Variants in VCL observed in about 807,000 individuals in gnomAD.
VCL encodes the protein vinculin, also known as epididymis luminal protein 114.
Under a neutral mutation model 125.7 loss-of-function variants are expected in VCL, and 47 were observed. That is an observed-to-expected ratio of 0.37 (90% CI 0.30 to 0.48). The LOEUF (loss-of-function observed/expected upper bound fraction) is 0.48. VCL is among the 20% of genes least tolerant of loss of function. The pLI, the probability that VCL is intolerant of heterozygous loss-of-function variation, is 0.99. For synonymous variants in VCL, 458 were observed against 514.6 expected, an observed-to-expected ratio of 0.89 and a Z score of 1.49; for missense variants, 1,069 against 1,455.5, an observed-to-expected ratio of 0.73 and a Z score of 4.32.
chr10:74,055,876 G>C (rs1013832638), intron 2 of VCL, among the ~76,000 whole-genome samples: 2 of 152,132 alleles, frequency 1.3e-5, no homozygotes, highest in African/African-American at 4.8e-5. Context: ...CGCTAGATTT[G>C]ACAAGAGAAT....
intron 1 of VCL, among the ~76,000 whole-genome samples, chr10:74,004,252 AAAG>A (rs1343133493): frequency 1.3e-5 from 2 of 152,260 alleles, no homozygotes; most frequent in Non-Finnish European, 2.9e-5. Context: ...GAGTAAATAA[AAAG>A]AATATTTATG....
chr10:74,042,896 T>A (rs1387515554), intron 1 of VCL, among the ~76,000 whole-genome samples, 187 bp from the exon 2 acceptor site: 1 of 152,206 alleles, frequency 6.6e-6, no homozygotes, highest in Non-Finnish European at 1.5e-5. Context: ...ATATTGTTAT[T>A]CTAGTATATT....
intron 9 of VCL, 143 bp downstream of exon 9, chr10:74,089,492 C>A: frequency 8.6e-7 from 1 of 1,158,148 alleles, no homozygotes; most frequent in South Asian, 1.3e-5. Context: ...CCAGCACTTA[C>A]CAATGTTAAC....
Position 74,109,129 on chromosome 10 carries a change from T to C in VCL, c.2718T>C (p.His906=). ...TGATGATGGCTGCCAGACAGCTCCATGATGAAGCTCGCAAATGGTCCAGCA... is the reference window on the plus strand; with the variant it reads ...TGATGATGGCTGCCAGACAGCTCCACGATGAAGCTCGCAAATGGTCCAGCA... ...QPMMMAARQL[H]DEARKWSSKP... is the part of the protein sequence containing the mutation. Residue 906 remains histidine (H), a synonymous_variant, in exon 18 of 22, where the codon CAT becomes CAC. Coordinates refer to ENST00000211998, the MANE Select transcript of VCL (RefSeq NM_014000.3). The C allele has an allele frequency of 6.2e-7, 1 of 1,614,106 alleles. No homozygotes were observed. Among genetic ancestry groups the C allele is most frequent in the Non-Finnish European group, 8.5e-7 (1 of 1,180,022 alleles).
intron 8 of VCL, among the ~76,000 whole-genome samples, chr10:74,084,699 G>A (rs771537294): frequency 6.6e-6 from 1 of 151,764 alleles, no homozygotes; most frequent in Admixed American, 6.6e-5. Flanking sequence ...TGCAACCTTC[G>A]CCTCCTGGGT....
intron 1 of VCL, among the ~76,000 whole-genome samples, chr10:74,025,696 G>GAGGGAGGA (rs1555115413): frequency 8.6e-6 from 1 of 115,954 alleles, no homozygotes; most frequent in African/African-American, 3.4e-5. Flanking sequence ...GGGAGGGAGG[G>GAGGGAGGA]AGGAAGGAAG....
intron 8 of VCL, among the ~76,000 whole-genome samples, chr10:74,085,063 C>T (rs1260110885): frequency 2.6e-5 from 4 of 152,194 alleles, no homozygotes; most frequent in Admixed American, 6.5e-5. Context: ...GCATGTGCCA[C>T]TATGCTTGGC....
chr10:74,062,731 C>T (rs1002453637), intron 2 of VCL, among the ~76,000 whole-genome samples: 2 of 152,038 alleles, frequency 1.3e-5, no homozygotes, highest in Admixed American at 6.6e-5. Flanking sequence ...ACCACAGGTA[C>T]TTACCACTGT....
intron 2 of VCL, among the ~76,000 whole-genome samples, chr10:74,046,757 C>T (rs1841203007): frequency 6.6e-6 from 1 of 152,152 alleles, no homozygotes; most frequent in Non-Finnish European, 1.5e-5. Flanking sequence ...GCTTCCAACC[C>T]TGACATTCTA....
At chr10:74,081,460 A>C in intron 6 of VCL, among the ~76,000 whole-genome samples, 1 of 152,198 alleles carries the variant, frequency 6.6e-6, no homozygotes, top group East Asian at 1.9e-4. Flanking sequence ...TGGAAACTGA[A>C]GGAAGCTAGG....
In VCL at chr10:74,097,174, A is replaced by T. The variant is rs781123628; in HGVS notation, c.1744-30A>T. On this transcript the variant is annotated intron_variant, in intron 12 of 21. Coordinates refer to ENST00000211998, the MANE Select transcript of VCL (RefSeq NM_014000.3). The surrounding 1 kb of genome is among the most constrained non-coding windows in gnomAD (Gnocchi z 4.1). The stretch of plus-strand genomic sequence containing the variant: ...AGATATGCTTTGAGGATGTATCTGG[A>T]CATTTTCATATGTAAACAATGTTTT... 4 of 1,611,418 alleles carry T rather than the reference A, an allele frequency of 2.5e-6. No individual in the cohort carries two copies. The highest frequency in any genetic ancestry group is 1.3e-5 in the African/African-American group (1 of 75,016).
At chr10:74,110,655 A>G (rs1840206021) in intron 18 of VCL, among the ~76,000 whole-genome samples, 2 of 152,186 alleles carry the variant, frequency 1.3e-5, no homozygotes, top group African/African-American at 4.8e-5. Flanking sequence ...TTGGCCCTGA[A>G]TCCTCCAACA....
At chr10:74,053,659 G>A (rs559343383) in intron 2 of VCL, among the ~76,000 whole-genome samples, 1 of 152,100 alleles carries the variant, frequency 6.6e-6, no homozygotes, top group South Asian at 2.1e-4. Flanking sequence ...CACCTGGGCT[G>A]TAGTGCAATG....
intron 1 of VCL, among the ~76,000 whole-genome samples, chr10:74,013,889 A>G (rs1840483975): frequency 9.1e-6 from 1 of 110,078 alleles, no homozygotes; most frequent in Admixed American, 1.1e-4. Flanking sequence ...TCTAATGAAA[A>G]GGCAGTGTTG....
Position 74,105,459 on chromosome 10 carries a change from A to C in VCL, c.2434+106A>C, listed in dbSNP as rs1591713456. On this transcript the variant is annotated intron_variant, in intron 16 of 21. Coordinates refer to ENST00000211998, the MANE Select transcript of VCL (RefSeq NM_014000.3). ...ACCACCACATACAAAGTCTGGGGGC[A>C]AAAACTATAGACACTTAGTTTGAGA... 7.9e-6 allele frequency: 11 copies of C among 1,395,530 alleles called. No homozygotes were observed. In the East Asian group the frequency reaches 2.5e-4, roughly 32 times the overall value. The allele number at this position is 1,395,530 out of a possible 1,614,324, so 86.4% of individuals were successfully genotyped here.
intron 15 of VCL, among the ~76,000 whole-genome samples, chr10:74,104,447 G>A (rs1221678392): frequency 6.6e-6 from 1 of 152,074 alleles, no homozygotes; most frequent in African/African-American, 2.4e-5. Context: ...CCTCTGAATC[G>A]TCTTCATTCT....
chr10:74,101,148 C>T (rs1442519141), intron 14 of VCL, 51 bp downstream of exon 14: 1 of 1,589,542 alleles, frequency 6.3e-7, no homozygotes, highest in Non-Finnish European at 8.6e-7. Context: ...AAGTTAATTA[C>T]AGAACAGTTT....
chr10:74,026,757 C>G (rs973818865), intron 1 of VCL, among the ~76,000 whole-genome samples: 1 of 152,098 alleles, frequency 6.6e-6, no homozygotes, highest in East Asian at 1.9e-4. Context: ...AGTAACTTGC[C>G]AGAGGACACA....
intron 1 of VCL, among the ~76,000 whole-genome samples, chr10:74,036,519 C>A (rs1393300233): frequency 6.6e-6 from 1 of 151,454 alleles, no homozygotes; most frequent in East Asian, 1.9e-4. Context: ...TTTTTTTTAA[C>A]CCTTTAATCC....
Sources: gnomAD v4.1 joint callset for allele counts (sites outside exome capture counted in the v4.1 genomes callset) on GRCh38, gnomAD v4.1.1 for gene constraint, Gnocchi (gnomAD v3.1) non-coding constraint, MANE v1.5 for transcripts, NCBI Gene and HGNC (gene_info 2026-07-23, HGNC 2026-07-21) for gene names.